Variants in PHF24 observed in about 807,000 individuals in gnomAD.
The protein encoded by PHF24 is Galpha inhibitory interacting protein.
A neutral mutation model predicts 42.6 loss-of-function variants in PHF24; 25 were observed. The ratio of observed to expected loss-of-function variants is 0.59; its 90% CI spans 0.43 to 0.82. The LOEUF is 0.82. Among genes scored for constraint, PHF24 ranks in the 40% least tolerant of loss-of-function variants. The pLI is 0.00. For synonymous variants in PHF24, 185 were observed against 204.8 expected (o/e 0.90, Z 0.83); for missense variants, 470 against 538.1 (o/e 0.87, Z 1.25).
At chr9:34,751,295 G>T in the PHF24 span, among the ~76,000 whole-genome samples, 1 of 152,202 alleles carries the variant, frequency 6.6e-6, no homozygotes, top group Admixed American at 6.5e-5. Flanking sequence ...AACACAGGAG[G>T]TGGAGGTTGC....
the PHF24 span, among the ~76,000 whole-genome samples, chr9:34,727,190 T>C: frequency 6.6e-6 from 1 of 152,232 alleles, no homozygotes; most frequent in African/African-American, 2.4e-5. Flanking sequence ...CTGGAGCTTG[T>C]TGGGCAAGGC....
the PHF24 span, among the ~76,000 whole-genome samples, chr9:34,860,174 A>G: frequency 6.6e-6 from 1 of 152,218 alleles, no homozygotes; most frequent in African/African-American, 2.4e-5. Context: ...ATTGTAGAGC[A>G]CACCTCGCTG....
At chr9:34,770,007 G>C in the PHF24 span, among the ~76,000 whole-genome samples, 1 of 152,104 alleles carries the variant, frequency 6.6e-6, no homozygotes, top group Non-Finnish European at 1.5e-5. Context: ...ACCTTATTGA[G>C]AGGAAAGACT....
At chr9:34,696,344 C>T in the PHF24 span, among the ~76,000 whole-genome samples, 5 of 152,044 alleles carry the variant, frequency 3.3e-5, no homozygotes, top group East Asian at 7.7e-4. Flanking sequence ...AAAAATTAGC[C>T]AGGCACGCTG....
upstream of PHF24, among the ~76,000 whole-genome samples, chr9:34,957,150 A>G (rs1230581256): frequency 2.0e-5 from 3 of 152,236 alleles, no homozygotes; most frequent in Non-Finnish European, 4.4e-5. Context: ...TGATAGAAAT[A>G]TACCATACTT....
At chr9:34,858,170 T>C in the PHF24 span, among the ~76,000 whole-genome samples, 1 of 152,176 alleles carries the variant, frequency 6.6e-6, no homozygotes, top group Non-Finnish European at 1.5e-5. Flanking sequence ...GTTTATTTGG[T>C]GTTGTCATTT....
chr9:34,915,556 G>A, the PHF24 span, among the ~76,000 whole-genome samples: 4 of 101,270 alleles, frequency 3.9e-5, no homozygotes, highest in African/African-American at 7.6e-5. Flanking sequence ...AAATTTTAAG[G>A]GTTCACAAAG....
chr9:34,794,205 C>A, the PHF24 span, among the ~76,000 whole-genome samples: 2 of 152,084 alleles, frequency 1.3e-5, no homozygotes, highest in African/African-American at 4.8e-5. Flanking sequence ...ATACTGAGCA[C>A]TTGGTGGTGC....
chr9:34,797,793 C>A, the PHF24 span, among the ~76,000 whole-genome samples: 1 of 151,986 alleles, frequency 6.6e-6, no homozygotes, highest in South Asian at 2.1e-4. Context: ...AACATTTGGG[C>A]AGGAAAAATC....
At chr9:34,847,833 A>G in the PHF24 span, among the ~76,000 whole-genome samples, 3 of 151,990 alleles carry the variant, frequency 2.0e-5, no homozygotes, top group Admixed American at 6.6e-5. Context: ...TTTGTCAAAG[A>G]CCTTTTCTGC....
chr9:34,944,420 C>G, the PHF24 span, among the ~76,000 whole-genome samples: 1 of 152,304 alleles, frequency 6.6e-6, no homozygotes, highest in South Asian at 2.1e-4. Flanking sequence ...CCAGGTTGTG[C>G]TGGTATTTAA....
chr9:34,714,914 C>G, the PHF24 span, among the ~76,000 whole-genome samples: 1 of 152,110 alleles, frequency 6.6e-6, no homozygotes, highest in Non-Finnish European at 1.5e-5. Context: ...AGATGGTGTG[C>G]ACAACCCCCT....
chr9:34,895,799 C>T, the PHF24 span: 10 of 398,442 alleles, frequency 2.5e-5, no homozygotes, highest in South Asian at 6.5e-4. Flanking sequence ...TTTTACACCT[C>T]GTCATTTCTG....
the PHF24 span, among the ~76,000 whole-genome samples, chr9:34,768,975 A>G: frequency 6.6e-6 from 1 of 152,146 alleles, no homozygotes; most frequent in Admixed American, 6.6e-5. Context: ...GAAATAAAAA[A>G]CTTTTGTGTA....
the PHF24 span, among the ~76,000 whole-genome samples, chr9:34,938,934 C>CAAAAA: frequency 1.7e-4 from 11 of 63,380 alleles, no homozygotes; most frequent in Non-Finnish European, 2.5e-4. Context: ...GAGACTCCAT[C>CAAAAA]AAAAAAAAAA....
the PHF24 span, chr9:34,832,381 AGCCAG>A: frequency 2.0e-6 from 2 of 976,706 alleles, no homozygotes; most frequent in Non-Finnish European, 3.1e-6. Context: ...GTTGAGGCAG[AGCCAG>A]GTTGTCTGGA....
the PHF24 span, among the ~76,000 whole-genome samples, chr9:34,753,093 CAAAA>C: frequency 6.6e-6 from 1 of 152,002 alleles, no homozygotes; most frequent in Non-Finnish European, 1.5e-5. Flanking sequence ...TGGGGAAAAA[CAAAA>C]AGCCTTTCCT....
chr9:34,866,993 G>T, the PHF24 span, among the ~76,000 whole-genome samples: 1 of 152,162 alleles, frequency 6.6e-6, no homozygotes, highest in African/African-American at 2.4e-5. Flanking sequence ...TCTAGACTAT[G>T]AGGCATGAGG....
chr9:34,720,086 G>A, the PHF24 span, among the ~76,000 whole-genome samples: 1 of 152,124 alleles, frequency 6.6e-6, no homozygotes. Flanking sequence ...CCTCCTCCTA[G>A]TGATGAGATG....
Sources: gnomAD v4.1 joint callset for allele counts (sites outside exome capture counted in the v4.1 genomes callset) on GRCh38, gnomAD v4.1.1 for gene constraint, MANE v1.5 for transcripts, NCBI Gene and HGNC (gene_info 2026-07-23, HGNC 2026-07-21) for gene names.